The following CYP46A1 variants were observed in gnomAD, a reference collection of about 807,000 sequenced individuals.
CYP46A1 encodes cholesterol 24-hydroxylase.
In CYP46A1, 20 loss-of-function variants were observed where a neutral mutation model predicts 63.3. The observed-to-expected ratio is 0.32, with a 90% CI of 0.22 to 0.46. CYP46A1 has a LOEUF of 0.46. CYP46A1 is among the 20% of genes least tolerant of loss of function. The pLI is 1.00. For missense variants in CYP46A1, 445 were observed against 670.8 expected (o/e 0.66, Z 3.72); for synonymous variants, 268 against 273.6 (o/e 0.98, Z 0.20).
At position 99,715,975 on chromosome 14, in the gene CYP46A1, T is replaced by C; in HGVS notation, c.844+15T>C. On this transcript the variant is annotated intron_variant, in intron 8 of 14. Coordinates refer to ENST00000261835, the MANE Select transcript of CYP46A1 (RefSeq NM_006668.2). ...GATTCTGAAAGGTGCAAGGGCCCCC[T>C]CTGCGGACTGGGGAGGGCGGGGTGG... 1 of 1,484,092 alleles carries C rather than the reference T, an allele frequency of 6.7e-7. No homozygotes were observed. Among genetic ancestry groups the C allele is most frequent in the Middle Eastern group, 1.8e-4 (1 of 5,616 alleles). The allele number at this position is 1,484,092 out of a possible 1,614,324, so 91.9% of individuals were successfully genotyped here.
chr14:99,684,728 C>A, intron 1 of CYP46A1, 192 bp downstream of exon 1: 1 of 653,572 alleles, frequency 1.5e-6, no homozygotes. Context: ...CTGCTGGGCG[C>A]CCACCGCGCA....
intron 5 of CYP46A1, among the ~76,000 whole-genome samples, chr14:99,700,534 A>G (rs975460700): frequency 2.6e-5 from 4 of 152,190 alleles, no homozygotes; most frequent in Admixed American, 2.6e-4. Flanking sequence ...GTAAGATTAT[A>G]ATGGAGCTGA....
chr14:99,700,442 G>T (rs193173223), intron 5 of CYP46A1, among the ~76,000 whole-genome samples: 8 of 152,152 alleles, frequency 5.3e-5, no homozygotes, highest in Non-Finnish European at 1.2e-4. Context: ...ATTCATTTGA[G>T]TTTTTATGTT....
intron 3 of CYP46A1, 30 bp downstream of exon 3, chr14:99,691,891 G>A (rs749591505): frequency 6.2e-7 from 1 of 1,608,296 alleles, no homozygotes. Context: ...CCATGAGGGA[G>A]TTCCCTGCCT....
intron 5 of CYP46A1, chr14:99,706,117 C>T (rs1406796713): frequency 6.6e-6 from 1 of 152,646 alleles, no homozygotes; most frequent in Non-Finnish European, 1.5e-5. Flanking sequence ...GGGAGGGAGC[C>T]CTGTGGGTTG....
Position 99,699,612 on chromosome 14 carries a change from C to T in CYP46A1, c.356+73C>T. ...GCTGTGAGTGAGGGCCAGTGCGGTC[C>T]AGAATGTGGGGTGTAGAATTGAGGC... On this transcript the variant is annotated intron_variant, in intron 4 of 14. Coordinates refer to ENST00000261835, the MANE Select transcript of CYP46A1 (RefSeq NM_006668.2). 2.6e-6 allele frequency: 4 copies of T among 1,514,270 alleles called. No individual in the cohort carries two copies. In the South Asian group the frequency reaches 4.5e-5, roughly 17 times the overall value. 93.8% of individuals were successfully genotyped at this position (1,514,270 alleles called of 1,614,324 possible).
At chr14:99,724,959 T>C (rs895513886) in intron 12 of CYP46A1, among the ~76,000 whole-genome samples, 6 of 152,158 alleles carry the variant, frequency 3.9e-5, no homozygotes, top group Non-Finnish European at 7.4e-5. Flanking sequence ...AGGCCTTGAG[T>C]TGAAGAGAAA....
At chr14:99,688,458 C>T (rs933967435) in intron 1 of CYP46A1, among the ~76,000 whole-genome samples, 2 of 152,130 alleles carry the variant, frequency 1.3e-5, no homozygotes, top group Admixed American at 1.3e-4. Context: ...CCTTCCTGGG[C>T]TCCACTGAGC....
At chr14:99,720,454 C>CTT in intron 10 of CYP46A1, among the ~76,000 whole-genome samples, 4 of 135,948 alleles carry the variant, frequency 2.9e-5, no homozygotes, top group African/African-American at 1.1e-4. Context: ...TGGTCCAGAT[C>CTT]CACTCTTTTT....
At chr14:99,691,349 A>G (rs911985619) in intron 2 of CYP46A1, 188 bp downstream of exon 2, 1 of 627,826 alleles carries the variant, frequency 1.6e-6, no homozygotes, top group African/African-American at 1.8e-5. Flanking sequence ...CCATTCATCC[A>G]CTGCAGGACC....
intron 3 of CYP46A1, among the ~76,000 whole-genome samples, chr14:99,692,630 G>A (rs543745723): frequency 1.3e-5 from 2 of 150,576 alleles, no homozygotes; most frequent in East Asian, 4.0e-4. Flanking sequence ...AGGAGTTCGC[G>A]ACCAGCCTGG....
At chr14:99,717,067 G>T (rs1213706766) in intron 9 of CYP46A1, among the ~76,000 whole-genome samples, 1 of 152,132 alleles carries the variant, frequency 6.6e-6, no homozygotes, top group Non-Finnish European at 1.5e-5. Context: ...AGGCTGCAGG[G>T]CGCCATTCCC....
intron 9 of CYP46A1, 48 bp from the exon 10 acceptor site, chr14:99,718,006 T>A (rs1447720299): frequency 6.8e-7 from 1 of 1,478,262 alleles, no homozygotes; most frequent in African/African-American, 1.4e-5. Flanking sequence ...ACTGTCTCCT[T>A]CATCCTGTGG....
At chr14:99,724,796 G>A (rs914163725) in intron 12 of CYP46A1, among the ~76,000 whole-genome samples, 1 of 152,224 alleles carries the variant, frequency 6.6e-6, no homozygotes, top group Non-Finnish European at 1.5e-5. Flanking sequence ...AGCACAGAGA[G>A]CCAGGGGTGG....
At chr14:99,720,552 A>C (rs1401969173) in intron 10 of CYP46A1, among the ~76,000 whole-genome samples, 5 of 142,338 alleles carry the variant, frequency 3.5e-5, no homozygotes. Context: ...TCCACCTCCC[A>C]GATTCATGTG....
intron 1 of CYP46A1, among the ~76,000 whole-genome samples, chr14:99,687,279 C>T (rs969394995): frequency 2.0e-5 from 3 of 152,234 alleles, no homozygotes; most frequent in African/African-American, 7.2e-5. Flanking sequence ...CCCTACTCTC[C>T]TGGTAATGTG....
chr14:99,698,874 A>G (rs983553290), intron 3 of CYP46A1, among the ~76,000 whole-genome samples: 1 of 152,090 alleles, frequency 6.6e-6, no homozygotes, highest in African/African-American at 2.4e-5. Flanking sequence ...TCCTCCGGGG[A>G]GTTTCACAAT....
intron 1 of CYP46A1, among the ~76,000 whole-genome samples, chr14:99,686,385 A>C (rs1430789086): frequency 6.6e-6 from 1 of 152,256 alleles, no homozygotes; most frequent in Admixed American, 6.5e-5. Context: ...TGTATTCTTT[A>C]GTGTATGATT....
At chr14:99,718,550 C>T (rs1485813020) in intron 10 of CYP46A1, among the ~76,000 whole-genome samples, 2 of 152,174 alleles carry the variant, frequency 1.3e-5, no homozygotes, top group African/African-American at 4.8e-5. Flanking sequence ...TGCTAAATTG[C>T]CAAGAGCGTG....
Sources: gnomAD v4.1 joint callset for allele counts (sites outside exome capture counted in the v4.1 genomes callset) on GRCh38, gnomAD v4.1.1 for gene constraint, MANE v1.5 for transcripts, NCBI Gene and HGNC (gene_info 2026-07-23, HGNC 2026-07-21) for gene names.